The following STK3 variants were observed in gnomAD, a reference collection of about 807,000 sequenced individuals.
STK3 encodes serine/threonine kinase 3, also known as serine/threonine-protein kinase 3.
STK3 carries 41 observed loss-of-function variants against 58.0 expected under a neutral mutation model. The observed-to-expected ratio is 0.71, with a 90% CI of 0.55 to 0.92. The LOEUF is 0.92. STK3 is among the 40% of genes least tolerant of loss of function. STK3 has a pLI of 0.00. For synonymous variants in STK3, 170 were observed against 191.0 expected, an observed-to-expected ratio of 0.89 and a Z score of 0.91; for missense variants, 479 against 602.7, an observed-to-expected ratio of 0.79 and a Z score of 2.15.
Position 98,586,882 on chromosome 8 carries a change from C to T in STK3, c.823-7093G>A, listed in dbSNP as rs973590522. On this transcript the variant is annotated intron_variant, in intron 7 of 10. Transcript: ENST00000419617. The stretch of plus-strand genomic sequence containing the variant: ...TCTTCTAGATTTTCTAGTTTATTTG[C>T]GTAGAGGTGTTTGTAGTATTCTCGG... 6.5e-3 allele frequency among the ~76,000 whole-genome samples: 979 copies of T among 151,478 alleles called. 7 individuals are homozygous for T. Among genetic ancestry groups the T allele is most frequent in the South Asian group, 0.018 (85 of 4,708 alleles).
chr8:98,622,589 G>A (rs553628026), intron 6 of STK3, among the ~76,000 whole-genome samples: 5 of 152,142 alleles, frequency 3.3e-5, no homozygotes, highest in Non-Finnish European at 7.3e-5. Flanking sequence ...ATCGAGGACC[G>A]AGTTCAAGAA....
chr8:98,853,252 A>C (rs1836544653), intron 3 of STK3, among the ~76,000 whole-genome samples: 1 of 152,114 alleles, frequency 6.6e-6, no homozygotes, highest in South Asian at 2.1e-4. Flanking sequence ...TTATTTCATT[A>C]CCTAATATTG....
intron 10 of STK3, among the ~76,000 whole-genome samples, chr8:98,465,644 T>C (rs896379392): frequency 2.0e-5 from 3 of 152,218 alleles, no homozygotes; most frequent in Non-Finnish European, 4.4e-5. Flanking sequence ...AGAGATACCC[T>C]GACAAAACCA....
intron 1 of STK3, chr8:98,782,093 CA>C (rs1832128487): frequency 1.7e-5 from 4 of 233,752 alleles, no homozygotes; most frequent in South Asian, 7.1e-5. Context: ...TCCGCTGTGG[CA>C]AAAAGAAGAT....
intron 6 of STK3, chr8:98,598,448 C>A (rs1427744711): frequency 8.1e-6 from 8 of 985,258 alleles, no homozygotes; most frequent in Non-Finnish European, 9.6e-6. Flanking sequence ...GTATGATCTA[C>A]ACCAAAATGT....
chr8:98,413,304 C>T (rs1586552453), intron 3 of STK3: 1 of 465,578 alleles, frequency 2.1e-6, no homozygotes, highest in East Asian at 5.5e-5. Flanking sequence ...CGCAAGCCAC[C>T]ATGCCTGGCC....
intron 10 of STK3, among the ~76,000 whole-genome samples, chr8:98,499,590 G>A (rs1823412716): frequency 6.6e-6 from 1 of 152,172 alleles, no homozygotes; most frequent in Non-Finnish European, 1.5e-5. Context: ...GAGGAGCATG[G>A]TAGAGAAATC....
At chr8:98,580,383 T>C (rs1200868244) in intron 7 of STK3, among the ~76,000 whole-genome samples, 1 of 152,184 alleles carries the variant, frequency 6.6e-6, no homozygotes, top group Non-Finnish European at 1.5e-5. Flanking sequence ...CTAGCTAAAA[T>C]AGCTAAGCTC....
intron 9 of STK3, among the ~76,000 whole-genome samples, chr8:98,531,252 C>T (rs1053413671): frequency 2.0e-5 from 3 of 152,184 alleles, no homozygotes; most frequent in Admixed American, 2.0e-4. Flanking sequence ...AATAATAAGA[C>T]TTGAAAGTCT....
Position 98,912,333 on chromosome 8 carries a change from G to A in STK3, c.-78-28499C>T, listed in dbSNP as rs539267650. ...GAGGAGGTGGCAGTGAGCAAAGATC[G>A]CGCCACTGCACTCCAGCCTGGGTGA... On this transcript the variant is annotated intron_variant, in intron 1 of 1. Transcript: ENST00000519420. 4.6e-5 allele frequency among the ~76,000 whole-genome samples: 7 copies of A among 152,060 alleles called. No homozygotes were observed. The South Asian group carries it at 8.3e-4, about 18-fold the overall frequency.
intron 3 of STK3, chr8:98,412,952 G>T: frequency 3.7e-6 from 1 of 269,438 alleles, no homozygotes; most frequent in South Asian, 4.0e-5. Flanking sequence ...TCAGGCACTG[G>T]AGCATCTGGC....
chr8:98,436,175 G>C (rs1818481340), intron 2 of STK3, among the ~76,000 whole-genome samples: 1 of 152,096 alleles, frequency 6.6e-6, no homozygotes, highest in South Asian at 2.1e-4. Context: ...GTGTGCTGCA[G>C]GCTCTGCTTT....
At chr8:98,878,959 T>G (rs994890241), downstream of STK3, 1 of 145,026 alleles carries the variant, frequency 6.9e-6, no homozygotes, top group African/African-American at 2.6e-5. Flanking sequence ...AGTGCAGTGG[T>G]GCGATTTCTG....
At chr8:98,890,546 G>A (rs1232420270) in intron 1 of STK3, among the ~76,000 whole-genome samples, 1 of 152,138 alleles carries the variant, frequency 6.6e-6, no homozygotes, top group Non-Finnish European at 1.5e-5. Context: ...TCTGTTATTA[G>A]AAGGAAATTA....
At chr8:98,384,071 T>G (rs1399323306) in intron 1 of STK3, among the ~76,000 whole-genome samples, 2 of 152,220 alleles carry the variant, frequency 1.3e-5, no homozygotes, top group East Asian at 1.9e-4. Flanking sequence ...GGTTAAGGCA[T>G]AAGCAAAAGA....
At chr8:98,421,769 C>T (rs1310296738) in intron 3 of STK3, among the ~76,000 whole-genome samples, 1 of 152,114 alleles carries the variant, frequency 6.6e-6, no homozygotes, top group Non-Finnish European at 1.5e-5. Flanking sequence ...GAGGAAGACT[C>T]TGTCTCAAAA....
chr8:98,594,184 G>A (rs140443806), intron 7 of STK3, among the ~76,000 whole-genome samples: 228 of 152,244 alleles, frequency 1.5e-3, no homozygotes, highest in African/African-American at 5.1e-3. Context: ...GCATGCATCT[G>A]TAGTCCCAGC....
downstream of STK3, among the ~76,000 whole-genome samples, chr8:98,370,477 T>C (rs1817600359): frequency 6.6e-6 from 1 of 151,906 alleles, no homozygotes; most frequent in Non-Finnish European, 1.5e-5. Context: ...CAGACTCATC[T>C]TATGCCTGAA....
chr8:98,421,402 C>A (rs888058165), intron 3 of STK3, among the ~76,000 whole-genome samples: 15 of 152,146 alleles, frequency 9.9e-5, no homozygotes, highest in African/African-American at 3.6e-4. Flanking sequence ...TTGCCCCTAC[C>A]CTTGCAGCCA....
Sources: allele counts gnomAD v4.1 joint callset (sites outside exome capture counted in the v4.1 genomes callset), GRCh38; gene constraint gnomAD v4.1.1; transcripts MANE v1.5; gene names NCBI Gene and HGNC (gene_info 2026-07-23, HGNC 2026-07-21).